Variants in CHCHD6 observed in about 807,000 individuals in gnomAD.
CHCHD6 encodes MICOS complex subunit MIC25.
CHCHD6 carries 28 observed loss-of-function variants against 32.3 expected under a neutral mutation model. The ratio of observed to expected loss-of-function variants is 0.87; its 90% CI spans 0.64 to 1.19. The LOEUF is 1.19. CHCHD6 is among the 50% of genes most tolerant of loss of function. The pLI is 0.00. For missense variants in CHCHD6, 333 were observed against 307.0 expected (o/e 1.08, Z -0.63); for synonymous variants, 122 against 117.5 (o/e 1.04, Z -0.25).
chr3:126,887,312 G>A (rs949302159), intron 5 of CHCHD6, among the ~76,000 whole-genome samples: 2 of 151,926 alleles, frequency 1.3e-5, no homozygotes, highest in Admixed American at 6.6e-5. Flanking sequence ...TAGCATAGCT[G>A]TGAGGATTAA....
At chr3:126,804,607 G>T (rs1015406228) in intron 4 of CHCHD6, among the ~76,000 whole-genome samples, 1 of 151,322 alleles carries the variant, frequency 6.6e-6, no homozygotes, top group East Asian at 2.0e-4. Context: ...GGACCAGACG[G>T]ATTCACAGAG....
At chr3:126,863,488 TCCTCCTCCTCTACTATCACCA>T (rs1942051802) in intron 5 of CHCHD6, among the ~76,000 whole-genome samples, 8 of 116,408 alleles carry the variant, frequency 6.9e-5, no homozygotes, top group African/African-American at 2.6e-4. Flanking sequence ...CATCACCACC[TCCTCCTCCTCTACTATCACCA>T]CCTCCTCCTC....
At chr3:126,890,816 A>G (rs896021093) in intron 5 of CHCHD6, among the ~76,000 whole-genome samples, 25 of 152,112 alleles carry the variant, frequency 1.6e-4, no homozygotes, top group African/African-American at 6.0e-4. Flanking sequence ...TTCTGTCCCT[A>G]GTCCACCTCA....
intron 6 of CHCHD6, among the ~76,000 whole-genome samples, chr3:126,951,217 C>G (rs1176216526): frequency 2.0e-5 from 3 of 152,202 alleles, no homozygotes; most frequent in South Asian, 2.1e-4. Flanking sequence ...CCTGCTTCCC[C>G]CTCCACTATG....
chr3:126,951,172 G>A (rs369754228), intron 6 of CHCHD6, among the ~76,000 whole-genome samples: 1 of 152,138 alleles, frequency 6.6e-6, no homozygotes, highest in Non-Finnish European at 1.5e-5. Context: ...TTCCCGCTTT[G>A]CATCTCTGTC....
rs1940233864 is a variant in CHCHD6 at position 126,823,333 on chromosome 3, TTTG to T, written c.412-29312_412-29310del. ...ATCTATAGATCAATTTATAGATCAA[TTTG>T]TAGAGAATTGACAACTTAGCAATCT... On this transcript the variant is annotated intron_variant, in intron 4 of 7. Transcript: ENST00000290913. Among the ~76,000 whole-genome samples the T allele has an allele frequency of 2.0e-5, 3 of 152,322 alleles. 1 individual carries two copies.
At chr3:126,900,045 G>A (rs545394685) in intron 5 of CHCHD6, among the ~76,000 whole-genome samples, 7 of 152,286 alleles carry the variant, frequency 4.6e-5, no homozygotes, top group Admixed American at 1.3e-4. Flanking sequence ...TAAATTGTAC[G>A]TTTGTTAATT....
At chr3:126,879,409 G>A (rs1019063075) in intron 5 of CHCHD6, among the ~76,000 whole-genome samples, 7 of 152,212 alleles carry the variant, frequency 4.6e-5, no homozygotes, top group African/African-American at 1.7e-4. Flanking sequence ...GTCATGGGAT[G>A]CATTGAGAAG....
chr3:126,923,687 G>A (rs2078284596), intron 6 of CHCHD6, among the ~76,000 whole-genome samples: 1 of 152,212 alleles, frequency 6.6e-6, no homozygotes. Context: ...GGCCTGGGTC[G>A]GATGACATAA....
intron 4 of CHCHD6, among the ~76,000 whole-genome samples, chr3:126,796,483 A>G (rs780371195): frequency 2.6e-5 from 4 of 152,094 alleles, no homozygotes; most frequent in Non-Finnish European, 5.9e-5. Flanking sequence ...GTGTTTTGTC[A>G]TCTTCTTGGG....
chr3:126,914,020 A>G (rs2078133625), intron 5 of CHCHD6, among the ~76,000 whole-genome samples: 1 of 152,168 alleles, frequency 6.6e-6, no homozygotes, highest in Non-Finnish European at 1.5e-5. Flanking sequence ...GGACAAATTA[A>G]GTGTGTGCCT....
chr3:126,805,388 G>A (rs1939315659), intron 4 of CHCHD6, among the ~76,000 whole-genome samples: 1 of 151,978 alleles, frequency 6.6e-6, no homozygotes, highest in Non-Finnish European at 1.5e-5. Flanking sequence ...AAAGTCACAA[G>A]CATTCTTATA....
At chr3:126,875,142 G>A (rs565712182) in intron 5 of CHCHD6, among the ~76,000 whole-genome samples, 78 of 152,306 alleles carry the variant, frequency 5.1e-4, no homozygotes, top group South Asian at 2.3e-3. Context: ...TCGTGAGACT[G>A]GTGTGACTCT....
At chr3:126,774,594 G>A (rs1937602366) in intron 4 of CHCHD6, among the ~76,000 whole-genome samples, 1 of 152,140 alleles carries the variant, frequency 6.6e-6, no homozygotes, top group South Asian at 2.1e-4. Context: ...TGCTCCCCAA[G>A]TGATCTCCAC....
At chr3:126,732,376 G>A (rs1392564386) in intron 3 of CHCHD6, among the ~76,000 whole-genome samples, 2 of 151,964 alleles carry the variant, frequency 1.3e-5, no homozygotes, top group Non-Finnish European at 2.9e-5. Context: ...ATAATGATTT[G>A]TCATTAGTTG....
intron 4 of CHCHD6, among the ~76,000 whole-genome samples, chr3:126,798,779 C>T (rs1183095121): frequency 1.3e-5 from 2 of 152,162 alleles, no homozygotes; most frequent in Non-Finnish European, 2.9e-5. Flanking sequence ...TTGAATTTCG[C>T]AGGAATTGGA....
intron 4 of CHCHD6, among the ~76,000 whole-genome samples, chr3:126,738,367 C>T (rs568187703): frequency 2.0e-5 from 3 of 152,208 alleles, no homozygotes; most frequent in Non-Finnish European, 4.4e-5. Flanking sequence ...ACCCCGTGGC[C>T]GACTGTATCA....
At chr3:126,832,716 T>C (rs1328462750) in intron 4 of CHCHD6, among the ~76,000 whole-genome samples, 2 of 152,204 alleles carry the variant, frequency 1.3e-5, no homozygotes, top group African/African-American at 4.8e-5. Context: ...TCTTTCCACT[T>C]TGTAGCATCT....
intron 4 of CHCHD6, among the ~76,000 whole-genome samples, chr3:126,743,561 A>T (rs1936369356): frequency 1.3e-5 from 2 of 152,160 alleles, no homozygotes. Flanking sequence ...ATGACTAAAG[A>T]GGCTGACAGC....
Sources: allele counts gnomAD v4.1 joint callset (sites outside exome capture counted in the v4.1 genomes callset), GRCh38; gene constraint gnomAD v4.1.1; transcripts MANE v1.5; gene names NCBI Gene and HGNC (gene_info 2026-07-23, HGNC 2026-07-21).